Variants in AMOTL1 observed in about 807,000 individuals in gnomAD.
The protein encoded by AMOTL1 is angiomotin like 1, also known as angiomotin-like protein 1.
Under a neutral mutation model 102.9 loss-of-function variants are expected in AMOTL1, and 45 were observed. That is an observed-to-expected ratio of 0.44 (90% CI 0.34 to 0.56). AMOTL1 has a LOEUF of 0.56. AMOTL1 is among the 20% of genes least tolerant of loss of function. The pLI, the probability that AMOTL1 is intolerant of heterozygous loss-of-function variation, is 0.01. For synonymous variants in AMOTL1, 481 were observed against 484.7 expected, an observed-to-expected ratio of 0.99 and a Z score of 0.10; for missense variants, 1,114 against 1,225.6, an observed-to-expected ratio of 0.91 and a Z score of 1.36.
At chr11:94,869,008 C>T (rs929783868) in intron 11 of AMOTL1, among the ~76,000 whole-genome samples, 190 bp from the exon 12 acceptor site, 69 of 151,124 alleles carry the variant, frequency 4.6e-4, no homozygotes, top group Non-Finnish European at 7.8e-4. Context: ...GGGACTAGGT[C>T]TTCCATTTTT....
intron 2 of AMOTL1, among the ~76,000 whole-genome samples, chr11:94,798,136 G>A (rs58202881): frequency 2.0e-5 from 3 of 152,280 alleles, no homozygotes; most frequent in East Asian, 1.9e-4. Flanking sequence ...GCCTCTTCCC[G>A]CCTGGGGGCC....
rs1248632027 is a variant in AMOTL1, at chr11:94,806,842, A to T, written c.1121+6531A>T. On this transcript the variant is annotated intron_variant, in intron 3 of 12. Coordinates refer to ENST00000433060, the MANE Select transcript of AMOTL1 (RefSeq NM_130847.3). The stretch of plus-strand genomic sequence containing the variant: ...TAGTTTACCCAAGAGTAGAGTCTTC[A>T]TTTGAACAGTTATGAGATTTAAGGT... 2.0e-5 allele frequency among the ~76,000 whole-genome samples: 3 copies of T among 152,326 alleles called. No individual in the cohort carries two copies. The East Asian group carries it at 5.8e-4, about 29-fold the overall frequency.
upstream of AMOTL1, among the ~76,000 whole-genome samples, chr11:94,765,447 T>C (rs1471239426): frequency 2.6e-5 from 4 of 152,190 alleles, no homozygotes; most frequent in African/African-American, 9.7e-5. Context: ...AACAATAGAT[T>C]CAGGAACTAA....
intron 1 of AMOTL1, among the ~76,000 whole-genome samples, chr11:94,773,439 C>T (rs1011760764): frequency 3.9e-5 from 6 of 152,148 alleles, no homozygotes; most frequent in Non-Finnish European, 7.3e-5. Flanking sequence ...TATTAGGTCT[C>T]GAATATGCAC....
intron 1 of AMOTL1, 52 bp downstream of exon 1, chr11:94,768,612 C>G (rs1950892109): frequency 1.4e-5 from 22 of 1,561,062 alleles, no homozygotes; most frequent in Middle Eastern, 1.7e-4. Context: ...GTCTCCCACG[C>G]GAAGAACCCA....
intron 8 of AMOTL1, 40 bp from the exon 9 acceptor site, chr11:94,859,485 T>C: frequency 6.4e-7 from 1 of 1,566,518 alleles, no homozygotes; most frequent in South Asian, 1.2e-5. Context: ...ACAGCATTGA[T>C]GTGGTTTTGA....
chr11:94,801,665 G>A (rs1199310877), intron 3 of AMOTL1, among the ~76,000 whole-genome samples: 2 of 152,154 alleles, frequency 1.3e-5, no homozygotes, highest in African/African-American at 2.4e-5. Flanking sequence ...GCTAAGAGAG[G>A]TAGGGAAATA....
At chr11:94,751,959 A>G (rs1035696421) in intron 3 of AMOTL1, among the ~76,000 whole-genome samples, 1 of 152,208 alleles carries the variant, frequency 6.6e-6, no homozygotes, top group South Asian at 2.1e-4. Context: ...GTTGTTAAGC[A>G]CTAAGGGAGT....
At chr11:94,715,166 A>C (rs1003169535) in intron 1 of AMOTL1, among the ~76,000 whole-genome samples, 2 of 152,044 alleles carry the variant, frequency 1.3e-5, no homozygotes, top group East Asian at 3.9e-4. Flanking sequence ...CATGTGCCTA[A>C]AGGTTTTTCT....
chr11:94,719,680 C>T (rs1950147950), intron 1 of AMOTL1, among the ~76,000 whole-genome samples: 1 of 151,904 alleles, frequency 6.6e-6, no homozygotes, highest in African/African-American at 2.4e-5. Flanking sequence ...GGAGTGGAAC[C>T]ATTGGGAATA....
intron 8 of AMOTL1, 77 bp from the exon 9 acceptor site, chr11:94,859,448 A>T (rs2135727828): frequency 3.6e-6 from 5 of 1,384,788 alleles, no homozygotes; most frequent in Non-Finnish European, 4.8e-6. Context: ...GGGGAACCTC[A>T]TGTGTTCTGT....
intron 1 of AMOTL1, among the ~76,000 whole-genome samples, chr11:94,722,904 A>C (rs1298119928): frequency 1.3e-5 from 2 of 152,134 alleles, no homozygotes; most frequent in African/African-American, 4.8e-5. Context: ...ATTTGTCCTG[A>C]GTCATTACAT....
intron 3 of AMOTL1, among the ~76,000 whole-genome samples, chr11:94,813,938 C>T (rs1951724283): frequency 6.6e-6 from 1 of 152,208 alleles, no homozygotes; most frequent in Non-Finnish European, 1.5e-5. Context: ...CCCATTCCCA[C>T]CTCCTGAGTA....
upstream of AMOTL1, chr11:94,768,330 G>A: frequency 7.3e-7 from 1 of 1,367,180 alleles, no homozygotes; most frequent in Non-Finnish European, 9.4e-7. Flanking sequence ...CGCGCGCGGG[G>A]AGCGGGGAGC....
chr11:94,794,440 G>C (rs1437379661), intron 1 of AMOTL1, among the ~76,000 whole-genome samples: 2 of 152,122 alleles, frequency 1.3e-5, no homozygotes, highest in African/African-American at 2.4e-5. Context: ...GAGCTGAAAG[G>C]CCAGTGCTTG....
At chr11:94,805,668 G>A (rs1258887385) in intron 3 of AMOTL1, among the ~76,000 whole-genome samples, 2 of 152,126 alleles carry the variant, frequency 1.3e-5, no homozygotes, top group African/African-American at 2.4e-5. Context: ...TAGGGGATTT[G>A]ATTTACTAGC....
chr11:94,788,433 C>T (rs1335939614), intron 1 of AMOTL1, among the ~76,000 whole-genome samples: 1 of 152,130 alleles, frequency 6.6e-6, no homozygotes, highest in East Asian at 1.9e-4. Context: ...CATGTTGGGC[C>T]GATCTTCCCT....
intron 3 of AMOTL1, among the ~76,000 whole-genome samples, chr11:94,821,184 G>T (rs966828459): frequency 3.9e-5 from 6 of 152,146 alleles, no homozygotes; most frequent in African/African-American, 1.4e-4. Context: ...TAGCCATGGG[G>T]TCATTCCCTG....
Position 94,871,139 on chromosome 11 carries a change from C to T in AMOTL1, c.*344C>T, listed in dbSNP as rs899748755. The T allele has an allele frequency of 5.8e-6, 1 of 173,690 alleles. No homozygotes were observed. Among genetic ancestry groups the T allele is most frequent in the African/African-American group, 2.4e-5 (1 of 42,378 alleles). 10.8% of individuals were successfully genotyped at this position (173,690 alleles called of 1,614,324 possible). A position where few individuals can be genotyped will look rare whatever the true frequency, so the allele number is the denominator to read the frequency against. Reference sequence around the variant, plus strand: ...CATTCTCTGATTATAAACAGATAAACCCAAATGTGGATCATCCTTGGAATA... The same window carrying T: ...CATTCTCTGATTATAAACAGATAAATCCAAATGTGGATCATCCTTGGAATA... On this transcript the variant is annotated 3_prime_UTR_variant, in exon 13 of 13. Transcript: ENST00000433060.
Sources: gnomAD v4.1 joint callset for allele counts (sites outside exome capture counted in the v4.1 genomes callset) on GRCh38, gnomAD v4.1.1 for gene constraint, MANE v1.5 for transcripts, NCBI Gene and HGNC (gene_info 2026-07-23, HGNC 2026-07-21) for gene names.